Variants in VPS53 observed in about 807,000 individuals in gnomAD.
The protein encoded by VPS53 is VPS53 subunit of GARP complex.
VPS53 carries 70 observed loss-of-function variants against 107.0 expected under a neutral mutation model. The ratio of observed to expected loss-of-function variants is 0.65; its 90% CI spans 0.54 to 0.80. The LOEUF is 0.80. Among genes scored for constraint, VPS53 ranks in the 30% least tolerant of loss-of-function variants. VPS53 has a pLI of 0.00. For synonymous variants in VPS53, 409 were observed against 393.3 expected (o/e 1.04, Z -0.47); for missense variants, 917 against 1,049.4 (o/e 0.87, Z 1.74).
At chr17:606,141 A>G (rs1278002526) in intron 11 of VPS53, among the ~76,000 whole-genome samples, 1 of 152,104 alleles carries the variant, frequency 6.6e-6, no homozygotes, top group African/African-American at 2.4e-5. Context: ...TTTGGGGCAC[A>G]GTTAGGAGGC....
intron 12 of VPS53, among the ~76,000 whole-genome samples, chr17:589,694 T>C (rs960715924): frequency 6.6e-6 from 1 of 152,170 alleles, no homozygotes; most frequent in Non-Finnish European, 1.5e-5. Flanking sequence ...GAGACCTCAA[T>C]GGAGCCATCT....
intron 7 of VPS53, among the ~76,000 whole-genome samples, chr17:633,725 C>T (rs1170549328): frequency 3.9e-5 from 6 of 152,156 alleles, no homozygotes; most frequent in Admixed American, 1.3e-4. Flanking sequence ...CTGGAATAGC[C>T]GCCACCTCCA....
chr17:601,459 T>C (rs910051007), intron 12 of VPS53, among the ~76,000 whole-genome samples: 9 of 152,160 alleles, frequency 5.9e-5, no homozygotes, highest in African/African-American at 1.9e-4. Flanking sequence ...TCATCATCAC[T>C]GTACCAGATG....
At chr17:636,730 C>T (rs1000237977) in intron 7 of VPS53, among the ~76,000 whole-genome samples, 1 of 152,120 alleles carries the variant, frequency 6.6e-6, no homozygotes, top group Non-Finnish European at 1.5e-5. Context: ...TTTTGATTTG[C>T]ATATGTTGAA....
chr17:624,907 CTCTT>C (rs1021612280), intron 10 of VPS53, among the ~76,000 whole-genome samples: 13 of 151,520 alleles, frequency 8.6e-5, no homozygotes, highest in South Asian at 4.2e-4. Flanking sequence ...TTTTTTCTTC[CTCTT>C]TCTTTCTTTT....
chr17:683,768 G>A (rs1424708172), intron 4 of VPS53, among the ~76,000 whole-genome samples: 3 of 152,234 alleles, frequency 2.0e-5, no homozygotes, highest in Non-Finnish European at 4.4e-5. Flanking sequence ...GGAGGCTGAG[G>A]CAGGAAGATC....
intron 1 of VPS53, among the ~76,000 whole-genome samples, chr17:711,804 T>C (rs144857614): frequency 2.3e-3 from 340 of 150,394 alleles, no homozygotes; most frequent in African/African-American, 7.8e-3. Flanking sequence ...GCATACGTGG[T>C]ACTTCATGGG....
intron 15 of VPS53, among the ~76,000 whole-genome samples, chr17:557,049 T>C (rs1912495302): frequency 6.6e-6 from 1 of 152,102 alleles, no homozygotes; most frequent in Non-Finnish European, 1.5e-5. Context: ...GACGGGGTTT[T>C]GCCATGTTGA....
chr17:597,704 G>A (rs1039648483), intron 12 of VPS53, among the ~76,000 whole-genome samples: 2 of 151,922 alleles, frequency 1.3e-5, no homozygotes, highest in African/African-American at 2.4e-5. Flanking sequence ...CACCACGCCC[G>A]GCTAATTTTG....
intron 7 of VPS53, among the ~76,000 whole-genome samples, chr17:647,192 G>A (rs1227226135): frequency 1.3e-5 from 2 of 152,112 alleles, no homozygotes; most frequent in Admixed American, 6.6e-5. Flanking sequence ...GATTAAAACA[G>A]AATTTGTCTA....
intron 7 of VPS53, among the ~76,000 whole-genome samples, chr17:641,590 G>C (rs1970425716): frequency 6.6e-6 from 1 of 152,164 alleles, no homozygotes; most frequent in South Asian, 2.1e-4. Flanking sequence ...GAGTAGCTGG[G>C]ACTATAGGTG....
intron 17 of VPS53, among the ~76,000 whole-genome samples, chr17:551,013 G>A (rs1273139367): frequency 6.6e-6 from 1 of 152,150 alleles, no homozygotes. Context: ...CACCCATTCT[G>A]GTGAGACCAC....
intron 7 of VPS53, among the ~76,000 whole-genome samples, chr17:643,313 C>T (rs184302992): frequency 2.6e-4 from 31 of 119,832 alleles, no homozygotes; most frequent in Admixed American, 8.3e-4. Context: ...ACTGGGAAAC[C>T]GAGGACAACA....
At chr17:596,363 A>T (rs909763402) in intron 12 of VPS53, among the ~76,000 whole-genome samples, 2 of 152,200 alleles carry the variant, frequency 1.3e-5, no homozygotes, top group Non-Finnish European at 2.9e-5. Flanking sequence ...CATCTTGTTC[A>T]GTCTGCCACA....
intron 13 of VPS53, among the ~76,000 whole-genome samples, chr17:567,976 C>T (rs560643734): frequency 1.3e-5 from 2 of 152,202 alleles, no homozygotes; most frequent in Admixed American, 1.3e-4. Flanking sequence ...TGATAAATTA[C>T]ATGCCCTAGG....
At chr17:582,690 C>A (rs1250398849) in intron 13 of VPS53, among the ~76,000 whole-genome samples, 1 of 148,174 alleles carries the variant, frequency 6.7e-6, no homozygotes, top group Non-Finnish European at 1.5e-5. Context: ...CCCAGAGAAC[C>A]TCCCTCAGAA....
chr17:594,273 T>C (rs1967834698), intron 12 of VPS53, among the ~76,000 whole-genome samples: 1 of 152,224 alleles, frequency 6.6e-6, no homozygotes, highest in African/African-American at 2.4e-5. Context: ...CATATGTAAC[T>C]AACCTGCACA....
At chr17:710,003 G>A (rs1467474633) in intron 2 of VPS53, among the ~76,000 whole-genome samples, 1 of 152,060 alleles carries the variant, frequency 6.6e-6, no homozygotes, top group Non-Finnish European at 1.5e-5. Flanking sequence ...AAATTAGCCA[G>A]GCGTGATGGT....
chr17:550,130 G>C (rs974068066), intron 17 of VPS53, among the ~76,000 whole-genome samples: 4 of 152,166 alleles, frequency 2.6e-5, no homozygotes, highest in African/African-American at 7.2e-5. Flanking sequence ...TCACAGCAAT[G>C]CTGGGAGGCA....
Sources: gnomAD v4.1 joint callset for allele counts (sites outside exome capture counted in the v4.1 genomes callset) on GRCh38, gnomAD v4.1.1 for gene constraint, MANE v1.5 for transcripts, NCBI Gene and HGNC (gene_info 2026-07-23, HGNC 2026-07-21) for gene names.